CKAP5: variants seen among roughly 807,000 people sequenced by gnomAD.
The protein encoded by CKAP5 is cytoskeleton associated protein 5, also known as cytoskeleton-associated protein 5.
Under a neutral mutation model 232.8 loss-of-function variants are expected in CKAP5, and 27 were observed. That is an observed-to-expected ratio of 0.12 (90% CI 0.09 to 0.16). The LOEUF is 0.16. CKAP5 is among the 10% of genes least tolerant of loss of function. CKAP5 has a pLI of 1.00. For missense variants in CKAP5, 1,838 were observed against 2,424.7 expected (o/e 0.76, Z 5.08); for synonymous variants, 785 against 841.1 (o/e 0.93, Z 1.16).
At chr11:46,784,090 C>T (rs901617364) in intron 17 of CKAP5, among the ~76,000 whole-genome samples, 15 of 151,226 alleles carry the variant, frequency 9.9e-5, no homozygotes, top group Admixed American at 7.9e-4. Flanking sequence ...ATCAAAGGGC[C>T]GGGCATGGTG....
chr11:46,842,938 G>C (rs1037629438), intron 1 of CKAP5, among the ~76,000 whole-genome samples: 1 of 130,112 alleles, frequency 7.7e-6, no homozygotes, highest in African/African-American at 3.0e-5. Context: ...CCGCACTCCA[G>C]CCTGGGTGAC....
intron 1 of CKAP5, among the ~76,000 whole-genome samples, chr11:46,836,627 G>A (rs1167323460): frequency 6.6e-6 from 1 of 152,160 alleles, no homozygotes; most frequent in Non-Finnish European, 1.5e-5. Flanking sequence ...ATAGAACTAA[G>A]TGCTGTTAAG....
Position 46,765,117 on chromosome 11 carries a change from T to C in CKAP5, c.3537+14A>G, listed in dbSNP as rs745925195. 2.5e-6 allele frequency: 4 copies of C among 1,606,492 alleles called. No homozygotes were observed. The South Asian group carries it at 4.5e-5, about 18-fold the overall frequency. ...CAAGCAAAAATCTCCTGACGATTCT[T>C]AATCCTTCCTTACCTTCAATCCTTT... On this transcript the variant is annotated intron_variant, in intron 28 of 43. Transcript: ENST00000529230.
intron 14 of CKAP5, 134 bp from the exon 15 acceptor site, chr11:46,790,320 T>C (rs1938690285): frequency 1.2e-6 from 1 of 804,732 alleles, no homozygotes; most frequent in African/African-American, 1.7e-5. Flanking sequence ...TCTATTATAC[T>C]TTGATAAAGG....
intron 42 of CKAP5, among the ~76,000 whole-genome samples, chr11:46,747,601 CAAA>C (rs560103390): frequency 3.2e-5 from 2 of 62,270 alleles, no homozygotes; most frequent in Admixed American, 1.9e-4. Context: ...GACTTCATCT[CAAA>C]AAAAAAAAAA....
At chr11:46,844,258 T>C (rs1279723759) in intron 1 of CKAP5, among the ~76,000 whole-genome samples, 2 of 150,574 alleles carry the variant, frequency 1.3e-5, no homozygotes, top group African/African-American at 4.9e-5. Context: ...TGAGTGTTGA[T>C]GGAATTAAGA....
chr11:46,839,114 T>C (rs1939989079), intron 1 of CKAP5, among the ~76,000 whole-genome samples: 1 of 152,146 alleles, frequency 6.6e-6, no homozygotes, highest in Non-Finnish European at 1.5e-5. Flanking sequence ...AACAATTACA[T>C]AACAATATAT....
intron 23 of CKAP5, among the ~76,000 whole-genome samples, chr11:46,776,707 T>C (rs1351712936): frequency 1.3e-5 from 2 of 152,208 alleles, no homozygotes; most frequent in East Asian, 1.9e-4. Context: ...TTTACGTCCA[T>C]GTCTGTCTGC....
intron 4 of CKAP5, 125 bp downstream of exon 4, chr11:46,816,073 C>G: frequency 1.7e-6 from 1 of 573,428 alleles, no homozygotes; most frequent in Non-Finnish European, 2.8e-6. Flanking sequence ...CATCTCAAAA[C>G]GACCCCCCCA....
In CKAP5 at chr11:46,744,001, G is replaced by A. The variant is rs1185813392; in HGVS notation, c.*22C>T. 2 of 1,612,014 alleles carry A rather than the reference G, an allele frequency of 1.2e-6. No individual in the cohort carries two copies. Among genetic ancestry groups the A allele is most frequent in the East Asian group, 4.5e-5 (2 of 44,894 alleles). On this transcript the variant is annotated 3_prime_UTR_variant, in exon 44 of 44. Coordinates refer to ENST00000529230, the MANE Select transcript of CKAP5 (RefSeq NM_001008938.4). ...TAGTTTAGTAAACTAAAGCTGCAGG[G>A]TGCCGGGGGAGTGGGGCAGCTTCAT...
intron 42 of CKAP5, among the ~76,000 whole-genome samples, chr11:46,748,353 T>C (rs188776798): frequency 7.2e-5 from 11 of 152,260 alleles, no homozygotes; most frequent in Non-Finnish European, 1.3e-4. Flanking sequence ...GAAGTGTGGA[T>C]GAATTCTGCA....
At chr11:46,787,099 A>G (rs748228023) in intron 16 of CKAP5, among the ~76,000 whole-genome samples, 3 of 152,192 alleles carry the variant, frequency 2.0e-5, no homozygotes, top group Non-Finnish European at 4.4e-5. Flanking sequence ...TCAACACTGC[A>G]GTGAGCCACG....
At chr11:46,788,272 G>A (rs1446509667) in intron 16 of CKAP5, among the ~76,000 whole-genome samples, 2 of 152,246 alleles carry the variant, frequency 1.3e-5, no homozygotes, top group African/African-American at 4.8e-5. Flanking sequence ...ACACCCCATT[G>A]TTCATTAAAA....
At chr11:46,827,410 T>C (rs867585330) in intron 1 of CKAP5, among the ~76,000 whole-genome samples, 3 of 151,882 alleles carry the variant, frequency 2.0e-5, no homozygotes, top group Non-Finnish European at 2.9e-5. Flanking sequence ...AGGAAGGTAA[T>C]AGAAGGTGAA....
At chr11:46,809,968 T>C (rs929285244) in intron 5 of CKAP5, 94 bp from the exon 6 acceptor site, 35 of 1,253,062 alleles carry the variant, frequency 2.8e-5, no homozygotes, top group Non-Finnish European at 3.9e-5. Context: ...CAGGACCCAA[T>C]TTCTTTCTTT....
At chr11:46,755,154 T>A in intron 35 of CKAP5, 87 bp from the exon 36 acceptor site, 1 of 870,072 alleles carries the variant, frequency 1.1e-6, no homozygotes, top group Non-Finnish European at 1.7e-6. Context: ...TCCATAAGAA[T>A]ATTTATTAGC....
At chr11:46,811,790 T>C (rs1023918261) in intron 4 of CKAP5, among the ~76,000 whole-genome samples, 2 of 152,214 alleles carry the variant, frequency 1.3e-5, no homozygotes, top group African/African-American at 4.8e-5. Flanking sequence ...ACCACAAATA[T>C]GTATGTATAT....
intron 4 of CKAP5, among the ~76,000 whole-genome samples, chr11:46,812,300 C>T (rs1565748288): frequency 6.6e-6 from 1 of 151,730 alleles, no homozygotes; most frequent in African/African-American, 2.4e-5. Context: ...CACTGCACTC[C>T]ATCCAGCCTG....
intron 42 of CKAP5, among the ~76,000 whole-genome samples, chr11:46,745,519 A>G (rs1273472000): frequency 6.6e-6 from 1 of 152,216 alleles, no homozygotes; most frequent in African/African-American, 2.4e-5. Context: ...AACATCCCCA[A>G]AAAGGGCTTT....
Sources: allele counts gnomAD v4.1 joint callset (sites outside exome capture counted in the v4.1 genomes callset), GRCh38; gene constraint gnomAD v4.1.1; transcripts MANE v1.5; gene names NCBI Gene and HGNC (gene_info 2026-07-23, HGNC 2026-07-21).